Variants in PTPRT observed in about 807,000 individuals in gnomAD.
PTPRT encodes the protein receptor-type tyrosine-protein phosphatase T.
In PTPRT, 56 loss-of-function variants were observed where a neutral mutation model predicts 176.8. That is an observed-to-expected ratio of 0.32 (90% CI 0.26 to 0.40). PTPRT has a LOEUF of 0.40. PTPRT is among the 10% of genes least tolerant of loss of function. The pLI, the probability that PTPRT is intolerant of heterozygous loss-of-function variation, is 1.00. For synonymous variants in PTPRT, 783 were observed against 739.0 expected (o/e 1.06, Z -0.96); for missense variants, 1,540 against 1,908.2 (o/e 0.81, Z 3.60).
intron 13 of PTPRT, among the ~76,000 whole-genome samples, chr20:42,281,160 A>T (rs2147051372): frequency 6.6e-6 from 1 of 152,220 alleles, no homozygotes. Context: ...TCTTCCTTCT[A>T]CATTATCTGT....
chr20:42,481,558 G>A (rs2071384728), intron 7 of PTPRT, among the ~76,000 whole-genome samples: 1 of 151,996 alleles, frequency 6.6e-6, no homozygotes, highest in Non-Finnish European at 1.5e-5. Context: ...GCAACATGGA[G>A]GTTGTTGATC....
chr20:42,048,215 A>G, the PTPRT span, among the ~76,000 whole-genome samples: 1 of 152,196 alleles, frequency 6.6e-6, no homozygotes, highest in African/African-American at 2.4e-5. Context: ...TGTTTTTCAT[A>G]TGGGAAACTC....
chr20:42,240,404 G>T (rs369609013), intron 14 of PTPRT, among the ~76,000 whole-genome samples: 5 of 152,176 alleles, frequency 3.3e-5, no homozygotes, highest in African/African-American at 1.2e-4. Flanking sequence ...GTAACAGATT[G>T]CCTGAAACCA....
At chr20:42,556,497 C>T (rs545873451) in intron 7 of PTPRT, among the ~76,000 whole-genome samples, 21 of 152,192 alleles carry the variant, frequency 1.4e-4, no homozygotes, top group African/African-American at 5.1e-4. Flanking sequence ...AATATCACTG[C>T]ATCACTTGAA....
Position 42,376,713 on chromosome 20 carries a change from G to T in PTPRT, c.1561-24428C>A, listed in dbSNP as rs895153799. On this transcript the variant is annotated intron_variant, in intron 9 of 30. Coordinates refer to ENST00000373187, the MANE Select transcript of PTPRT (RefSeq NM_007050.6). ...GGAGTAAGAAGCTCCTAAGCAGATT[G>T]AGGCAAAGAATTCCAGACAGAAGGA... 3.9e-5 allele frequency among the ~76,000 whole-genome samples: 6 copies of T among 152,258 alleles called. No individual in the cohort carries two copies. The South Asian group carries it at 1.2e-3, about 32-fold the overall frequency.
At chr20:42,549,637 T>C (rs1039063338) in intron 7 of PTPRT, among the ~76,000 whole-genome samples, 2 of 152,162 alleles carry the variant, frequency 1.3e-5, no homozygotes, top group Non-Finnish European at 2.9e-5. Context: ...GAACTATCCA[T>C]GTGAAGAGGC....
intron 1 of PTPRT, among the ~76,000 whole-genome samples, chr20:42,908,657 TTA>T (rs1473785985): frequency 6.6e-6 from 1 of 152,190 alleles, no homozygotes; most frequent in Admixed American, 6.5e-5. Context: ...AAGTCATTGT[TTA>T]TATAGAGTCA....
chr20:42,250,888 C>T (rs993567320), intron 13 of PTPRT, among the ~76,000 whole-genome samples: 1 of 152,168 alleles, frequency 6.6e-6, no homozygotes, highest in Admixed American at 6.5e-5. Context: ...ACCAACTCAT[C>T]AAATTCCAGG....
intron 1 of PTPRT, among the ~76,000 whole-genome samples, chr20:42,928,459 G>C (rs1381728688): frequency 1.3e-5 from 2 of 152,206 alleles, no homozygotes; most frequent in Non-Finnish European, 2.9e-5. Context: ...AAGAGGAGGA[G>C]GGAATCTCTG....
intron 9 of PTPRT, among the ~76,000 whole-genome samples, chr20:42,445,258 G>GTT (rs2059352578): frequency 6.6e-6 from 1 of 152,154 alleles, no homozygotes; most frequent in Non-Finnish European, 1.5e-5. Flanking sequence ...TTTATGTAAT[G>GTT]ATAACAGCTA....
chr20:42,564,772 T>A (rs1017108127), intron 7 of PTPRT, among the ~76,000 whole-genome samples: 4 of 152,064 alleles, frequency 2.6e-5, no homozygotes, highest in Admixed American at 2.6e-4. Context: ...ATAATAATAA[T>A]ACAAATAAAG....
chr20:42,962,614 G>T (rs1262234034), intron 1 of PTPRT, among the ~76,000 whole-genome samples: 2 of 152,046 alleles, frequency 1.3e-5, no homozygotes, highest in African/African-American at 4.8e-5. Context: ...TACAATACTG[G>T]GCTGAAAACG....
At chr20:42,992,109 G>T (rs1983941726) in intron 1 of PTPRT, among the ~76,000 whole-genome samples, 1 of 151,918 alleles carries the variant, frequency 6.6e-6, no homozygotes, top group Non-Finnish European at 1.5e-5. Flanking sequence ...ACAAAAATCA[G>T]CAATTAAAAA....
intron 9 of PTPRT, among the ~76,000 whole-genome samples, chr20:42,380,539 C>T (rs529114480): frequency 2.1e-4 from 32 of 152,314 alleles, no homozygotes; most frequent in Middle Eastern, 3.4e-3. Context: ...CCCTCCCAGA[C>T]ATTGGGCCCC....
intron 1 of PTPRT, among the ~76,000 whole-genome samples, chr20:42,920,161 C>A (rs755459220): frequency 6.6e-6 from 1 of 152,112 alleles, no homozygotes; most frequent in Non-Finnish European, 1.5e-5. Context: ...GAGACAAGAA[C>A]AAAAAATAAG....
At chr20:42,106,993 C>T (rs1045494362) in intron 23 of PTPRT, 72 bp from the exon 24 acceptor site, 1 of 1,548,916 alleles carries the variant, frequency 6.5e-7, no homozygotes, top group African/African-American at 1.4e-5. Flanking sequence ...CCCTAGCATT[C>T]AGCCCTATCC....
At chr20:42,207,139 T>TG (rs1469134932) in intron 15 of PTPRT, among the ~76,000 whole-genome samples, 1 of 151,974 alleles carries the variant, frequency 6.6e-6, no homozygotes, top group Non-Finnish European at 1.5e-5. Flanking sequence ...AAAACCCATC[T>TG]GTACATCACC....
intron 9 of PTPRT, among the ~76,000 whole-genome samples, chr20:42,403,210 C>A (rs1224619676): frequency 6.6e-6 from 1 of 152,122 alleles, no homozygotes; most frequent in Non-Finnish European, 1.5e-5. Flanking sequence ...CGTAAACTTG[C>A]ATCCTTGATT....
intron 7 of PTPRT, among the ~76,000 whole-genome samples, chr20:42,579,134 C>T (rs1426779222): frequency 6.8e-6 from 1 of 147,402 alleles, no homozygotes; most frequent in African/African-American, 2.5e-5. Flanking sequence ...GATCAATTCC[C>T]ACCTATGAGT....
Sources: allele counts gnomAD v4.1 joint callset (sites outside exome capture counted in the v4.1 genomes callset), GRCh38; gene constraint gnomAD v4.1.1; transcripts MANE v1.5; gene names NCBI Gene and HGNC (gene_info 2026-07-23, HGNC 2026-07-21).